WRAP73: variants seen among roughly 807,000 people sequenced by gnomAD.
WRAP73 encodes the protein WD repeat-containing protein WRAP73.
WRAP73 carries 55 observed loss-of-function variants against 59.6 expected under a neutral mutation model. The ratio of observed to expected loss-of-function variants is 0.92; its 90% CI spans 0.74 to 1.15. The LOEUF is 1.15. Ranked by LOEUF, WRAP73 falls within the 50% of genes most tolerant of loss-of-function variation. The probability of loss-of-function intolerance (pLI) is 0.00; values close to 1 mark genes in which losing one functional copy is unlikely to be tolerated. For synonymous variants in WRAP73, 265 were observed against 258.2 expected (o/e 1.03, Z -0.25); for missense variants, 592 against 608.1 (o/e 0.97, Z 0.28).
Position 3,646,461 on chromosome 1 carries a change from T to TATCACA in WRAP73, c.339+199_339+204dup, listed in dbSNP as rs2101971694. ...CTGTATCTAATTTATAAATTAAATGTATCACAGGTATGCTGTATAGGAAAA... is the reference window on the plus strand; with the variant it reads ...CTGTATCTAATTTATAAATTAAATGTATCACAATCACAGGTATGCTGTATAGGAAAA... On this transcript the variant is annotated intron_variant, in intron 3 of 11. Coordinates refer to ENST00000270708, the MANE Select transcript of WRAP73 (RefSeq NM_017818.4). The surrounding 1 kb of genome is among the most constrained non-coding windows in gnomAD (Gnocchi z 5.1). 6.6e-6 allele frequency among the ~76,000 whole-genome samples: 1 copy of TATCACA among 152,344 alleles called. No homozygotes were observed. Among genetic ancestry groups the TATCACA allele is most frequent in the Admixed American group, 6.5e-5 (1 of 15,306 alleles).
chr1:3,638,893 C>A, intron 3 of WRAP73, 71 bp from the exon 4 acceptor site: 1 of 1,563,860 alleles, frequency 6.4e-7, no homozygotes, highest in Non-Finnish European at 8.8e-7. Context: ...CAATCCTCAA[C>A]CCGCCCACGC....
rs375337975 is a variant in WRAP73 at position 3,640,425 on chromosome 1, G to A, written c.340-1603C>T. Among the ~76,000 whole-genome samples, 74 of 151,928 alleles carry A rather than the reference G, an allele frequency of 4.9e-4. 1 individual carries two copies. In the East Asian group the frequency reaches 9.6e-3, roughly 20 times the overall value. On this transcript the variant is annotated intron_variant, in intron 3 of 11. Coordinates refer to ENST00000270708, the MANE Select transcript of WRAP73 (RefSeq NM_017818.4). Reference sequence around the variant, plus strand: ...CGGGGTGGAGCGCCCGAGCATCTCAGCATCAGCAGGGCGGGGTGGAGCGCC... The same window carrying A: ...CGGGGTGGAGCGCCCGAGCATCTCAACATCAGCAGGGCGGGGTGGAGCGCC...
At chr1:3,631,154 G>C in intron 11 of WRAP73, 37 bp from the exon 12 acceptor site, 3 of 1,611,630 alleles carry the variant, frequency 1.9e-6, no homozygotes, top group Non-Finnish European at 2.5e-6. Flanking sequence ...TTACAGCAGG[G>C]GAGGCCCAGA....
intron 5 of WRAP73, 187 bp from the exon 6 acceptor site, chr1:3,636,217 T>C: frequency 1.0e-5 from 6 of 591,532 alleles, no homozygotes; most frequent in Non-Finnish European, 1.2e-5. Flanking sequence ...CCGCCACAGA[T>C]GCCAGCGTCA....
At chr1:3,638,900 A>T (rs1644612988) in intron 3 of WRAP73, 78 bp from the exon 4 acceptor site, 3 of 1,534,924 alleles carry the variant, frequency 2.0e-6, no homozygotes, top group Non-Finnish European at 2.7e-6. Context: ...CAACCCGCCC[A>T]CGCGTCCCCA....
At chr1:3,648,099 C>T (rs1368966084) in intron 1 of WRAP73, among the ~76,000 whole-genome samples, 1 of 152,238 alleles carries the variant, frequency 6.6e-6, no homozygotes, top group Admixed American at 6.5e-5. Context: ...CTTCTGCACA[C>T]ATAAAGATGC....
chr1:3,630,871 T>G lies in WRAP73; in HGVS notation c.*104A>C. On this transcript the variant is annotated 3_prime_UTR_variant, in exon 12 of 12. Transcript: ENST00000270708. The stretch of plus-strand genomic sequence containing the variant: ...GCTATAGAAAAATAGAATCAATCAC[T>G]GAATCCAGACCACCACAGTGGAGAA... The G allele has an allele frequency of 7.0e-7, 1 of 1,434,850 alleles. No homozygotes were observed. The highest frequency in any genetic ancestry group is 9.4e-7 in the Non-Finnish European group (1 of 1,066,340). The allele number at this position is 1,434,850 out of a possible 1,614,324, so 88.9% of individuals were successfully genotyped here. A position where few individuals can be genotyped will look rare whatever the true frequency, so the allele number is the denominator to read the frequency against.
At chr1:3,641,412 C>T (rs911872086) in intron 3 of WRAP73, among the ~76,000 whole-genome samples, 2 of 152,052 alleles carry the variant, frequency 1.3e-5, no homozygotes, top group South Asian at 2.1e-4. Flanking sequence ...TGACCCAGCA[C>T]TCTCAAGATG....
At chr1:3,647,244 A>T in intron 2 of WRAP73, 164 bp downstream of exon 2, 1 of 751,150 alleles carries the variant, frequency 1.3e-6, no homozygotes, top group Non-Finnish European at 2.0e-6. Flanking sequence ...GAGTTTCCTT[A>T]GTTTAAATGT....
chr1:3,633,741 G>A (rs917060884), intron 8 of WRAP73: 3 of 492,954 alleles, frequency 6.1e-6, no homozygotes, highest in African/African-American at 6.0e-5. Context: ...GGCAGCAAAT[G>A]TGTGCCCTGT....
chr1:3,645,308 C>A (rs1031675898), intron 3 of WRAP73, among the ~76,000 whole-genome samples: 4 of 151,980 alleles, frequency 2.6e-5, no homozygotes, highest in African/African-American at 9.7e-5. Flanking sequence ...GTGTGCGCGG[C>A]GCAGCGGGAC....
In WRAP73 at chr1:3,647,510, C is replaced by G; in HGVS notation, c.120G>C (p.Gln40His). The G allele has an allele frequency of 6.2e-7, 1 of 1,613,950 alleles. No homozygotes were observed. Among genetic ancestry groups the G allele is most frequent in the Non-Finnish European group, 8.5e-7 (1 of 1,179,934 alleles). ...RLVVRDVNTLQILQLYTCLDQ... is the reference protein window; with the variant it reads ...RLVVRDVNTLHILQLYTCLDQ... ...CTAGGCACGTGTACAGCTGAAGGAT[C>G]TGAAGGGTGTTCACATCCCGGACCA... The change falls in exon 2 of 12, where the codon CAG (glutamine) becomes CAC (histidine). Residue 40 changes from glutamine (Q) to histidine (H), a missense_variant. By Grantham distance (24) the Gln-to-His change is conservative (BLOSUM62 0). Coordinates refer to ENST00000270708, the MANE Select transcript of WRAP73 (RefSeq NM_017818.4).
chr1:3,631,292 G>A, intron 11 of WRAP73, 174 bp downstream of exon 11: 12 of 1,310,368 alleles, frequency 9.2e-6, no homozygotes, highest in Non-Finnish European at 1.3e-5. Flanking sequence ...AGCCCATAAA[G>A]CTGAGGGCAG....
chr1:3,635,017 C>T lies in WRAP73; in HGVS notation c.796G>A (p.Ala266Thr), dbSNP rs748254778. 1.2e-6 allele frequency: 2 copies of T among 1,614,228 alleles called. No individual in the cohort carries two copies. Among genetic ancestry groups the T allele is most frequent in the Non-Finnish European group, 1.7e-6 (2 of 1,180,044 alleles). ...KMITEFGHPA[A>T]INDPKIVVYK... Reference sequence around the variant, plus strand: ...CTTACTATCTTGGGATCATTAATGGCTGCAGGATGCCCAAACTCCGTGATC... The same window carrying T: ...CTTACTATCTTGGGATCATTAATGGTTGCAGGATGCCCAAACTCCGTGATC... The change falls in exon 8 of 12, where the codon GCC becomes ACC. Residue 266 changes from alanine (A) to threonine (T), a missense_variant. Ala to Thr is a moderately conservative substitution (Grantham distance 58). Transcript: ENST00000270708.
At chr1:3,648,986 AG>A (rs1557466508) in intron 1 of WRAP73, among the ~76,000 whole-genome samples, 1 of 152,234 alleles carries the variant, frequency 6.6e-6, no homozygotes, top group Non-Finnish European at 1.5e-5. Context: ...CAGGAATGTC[AG>A]GAGTGGCAAA....
Position 3,646,824 on chromosome 1 carries a change from C to G in WRAP73, c.223-42G>C. The G allele has an allele frequency of 1.3e-6, 2 of 1,553,660 alleles. No individual in the cohort carries two copies. The highest frequency in any genetic ancestry group is 8.8e-7 in the Non-Finnish European group (1 of 1,132,654). On this transcript the variant is annotated intron_variant, in intron 2 of 11. Transcript: ENST00000270708. This position sits in a 1 kb window ranked among gnomAD's most constrained non-coding sequence, Gnocchi z 5.1. ...AAGAAACACACAAGTGCAAACTCAT[C>G]AGCACCGAGAGACAGCGAGGACAGC...
At chr1:3,634,842 G>A (rs948919987) in intron 8 of WRAP73, 155 bp downstream of exon 8, 1 of 920,906 alleles carries the variant, frequency 1.1e-6, no homozygotes, top group Non-Finnish European at 1.7e-6. Flanking sequence ...GGCCAGGGCA[G>A]GGCCAGACGC....
intron 1 of WRAP73, among the ~76,000 whole-genome samples, chr1:3,649,506 G>T (rs573303937): frequency 6.6e-6 from 1 of 152,272 alleles, no homozygotes; most frequent in South Asian, 2.1e-4. Context: ...AGTCGGCACT[G>T]CCGATACCCA....
intron 9 of WRAP73, chr1:3,632,547 AC>A: frequency 1.4e-6 from 1 of 703,994 alleles, no homozygotes; most frequent in Non-Finnish European, 2.3e-6. Context: ...TGAGAGTGGC[AC>A]CATCACCTGC....
Sources: gnomAD v4.1 joint callset for allele counts (sites outside exome capture counted in the v4.1 genomes callset) on GRCh38, gnomAD v4.1.1 for gene constraint, Gnocchi (gnomAD v3.1) non-coding constraint, MANE v1.5 for transcripts, NCBI Gene and HGNC (gene_info 2026-07-23, HGNC 2026-07-21) for gene names.